Variants in DST observed in about 807,000 individuals in gnomAD.
DST encodes bullous pemphigoid antigen.
A neutral mutation model predicts 875.2 loss-of-function variants in DST; 253 were observed. The observed-to-expected ratio is 0.29, with a 90% CI of 0.26 to 0.32. The LOEUF is 0.32. Ranked by LOEUF, DST falls within the 10% of genes least tolerant of loss-of-function variation. DST has a pLI of 1.00. For missense variants in DST, 8,287 were observed against 9,111.6 expected (o/e 0.91, Z 3.68); for synonymous variants, 3,124 against 3,197.1 (o/e 0.98, Z 0.77).
Position 56,851,524 on chromosome 6 carries a change from A to C in DST, c.498T>G (p.Ser166=), listed in dbSNP as rs936628920. ...CTCCCGGAGCTGGGGATGCGGAGCC[A>C]GATTTCTGGCTGAAATCATCCTCAT... ...FSDEDDFSQK[S]GSASPAPGDT... Residue 166 remains serine, a synonymous_variant, in exon 4 of 104, where the codon TCT becomes TCG. Coordinates refer to ENST00000680361, the MANE Select transcript of DST (RefSeq NM_001374736.1). 2.5e-6 allele frequency: 4 copies of C among 1,613,960 alleles called. No individual in the cohort carries two copies. The African/African-American group carries it at 4.0e-5, about 16-fold the overall frequency.
chr6:56,582,829 A>G (rs182907202), intron 49 of DST, among the ~76,000 whole-genome samples: 71 of 151,988 alleles, frequency 4.7e-4, no homozygotes, highest in African/African-American at 1.7e-3. Flanking sequence ...CCCACCTATG[A>G]GTGAGAACAT....
chr6:56,788,103 T>G, intron 4 of DST, among the ~76,000 whole-genome samples: 1 of 110,830 alleles, frequency 9.0e-6, no homozygotes, highest in South Asian at 3.0e-4. Flanking sequence ...CATTCCAGCC[T>G]GAGTGACAGA....
At chr6:56,871,541 C>A in intron 3 of DST, 1 of 1,241,048 alleles carries the variant, frequency 8.1e-7, no homozygotes, top group Non-Finnish European at 1.2e-6. Context: ...TTGAGCATAT[C>A]CAAATAAACA....
At chr6:56,624,267 C>G in intron 36 of DST, 1 of 605,714 alleles carries the variant, frequency 1.7e-6, no homozygotes, top group Non-Finnish European at 2.9e-6. Flanking sequence ...AAGACATTAA[C>G]CCCACCATAT....
At chr6:56,615,269 T>G in intron 36 of DST, 1 of 1,242,024 alleles carries the variant, frequency 8.1e-7, no homozygotes, top group Non-Finnish European at 1.0e-6. Flanking sequence ...AAAAAAACAT[T>G]TTAGTGTGGC....
chr6:56,557,452 T>C lies in DST; in HGVS notation c.14507A>G (p.Asn4836Ser). ...TACAGTCTGGAACTGGGTTAGATTA[T>C]TGGAGGATTCTTCCAGTTTTTGTTG... ...DRQQKLEESS[N>S]NLTQFQTVEA... Residue 4836 changes from asparagine (N) to serine (S), a missense_variant, in exon 59 of 104, where the codon AAT (asparagine) becomes AGT (serine). By Grantham distance (46) the Asn-to-Ser change is conservative (BLOSUM62 1). Transcript: ENST00000680361. The C allele has an allele frequency of 1.2e-6, 2 of 1,613,738 alleles. No individual in the cohort carries two copies. The highest frequency in any genetic ancestry group is 1.1e-5 in the South Asian group (1 of 91,054).
chr6:56,808,427 A>G (rs984622911), intron 4 of DST, among the ~76,000 whole-genome samples: 7 of 152,256 alleles, frequency 4.6e-5, no homozygotes, highest in African/African-American at 1.7e-4. Context: ...AACCACAGTA[A>G]TAATAAAACT....
chr6:56,598,474 A>G lies in DST; in HGVS notation c.11928+2T>C. On this transcript the variant is annotated splice_donor_variant, in intron 46 of 103. Transcript: ENST00000680361. LOFTEE classifies it high-confidence loss of function. The stretch of plus-strand genomic sequence containing the variant: ...TAGTGCACCACATATTTGAATAAGG[A>G]CCTTTTCAGTTTCTTCCTTGATTGC... The G allele has an allele frequency of 6.5e-7, 1 of 1,543,936 alleles. No homozygotes were observed. The highest frequency in any genetic ancestry group is 8.7e-7 in the Non-Finnish European group (1 of 1,142,934).
intron 4 of DST, among the ~76,000 whole-genome samples, chr6:56,829,971 A>C (rs913282530): frequency 6.6e-6 from 1 of 151,230 alleles, no homozygotes; most frequent in Non-Finnish European, 1.5e-5. Context: ...AATTTCTAAA[A>C]TTCATAGTGA....
At chr6:56,557,600 T>G in intron 58 of DST, 82 bp from the exon 59 acceptor site, 1 of 1,070,654 alleles carries the variant, frequency 9.3e-7, no homozygotes, top group African/African-American at 1.6e-5. Flanking sequence ...ATGGTATGAT[T>G]TAAAATGATA....
chr6:56,561,223 G>A, intron 57 of DST, 85 bp downstream of exon 57: 1 of 1,410,288 alleles, frequency 7.1e-7, no homozygotes, highest in Non-Finnish European at 9.5e-7. Flanking sequence ...AGAAAACAGA[G>A]CAGAGCTTCT....
chr6:56,476,127 G>A (rs1395720643), intron 92 of DST, 22 bp downstream of exon 92: 1 of 1,569,314 alleles, frequency 6.4e-7, no homozygotes, highest in Admixed American at 1.8e-5. Flanking sequence ...GTTAACAGGA[G>A]TTAGGATTAT....
intron 4 of DST, among the ~76,000 whole-genome samples, chr6:56,836,101 T>C (rs144493775): frequency 1.2e-3 from 176 of 152,338 alleles, no homozygotes; most frequent in African/African-American, 3.9e-3. Context: ...ATAAAAGTAA[T>C]ATCTATAAAT....
intron 3 of DST, among the ~76,000 whole-genome samples, chr6:56,864,749 A>C (rs1773108598): frequency 6.6e-6 from 1 of 152,228 alleles, no homozygotes; most frequent in Admixed American, 6.5e-5. Context: ...TTTTATTATA[A>C]AATAAAAAGA....
chr6:56,531,194 T>C (rs1026762243), intron 64 of DST, among the ~76,000 whole-genome samples: 1 of 152,162 alleles, frequency 6.6e-6, no homozygotes, highest in Non-Finnish European at 1.5e-5. Context: ...CTAAAATCAG[T>C]GGAAATAACT....
At position 56,929,065 on chromosome 6, in the gene DST, A is replaced by G. The variant is rs1170871673; in HGVS notation, c.216+24720T>C. On this transcript the variant is annotated intron_variant, in intron 2 of 103. Transcript: ENST00000680361. ...CCAATTCTAATATTCACATAGGAAT[A>G]AAAAGAATACAACTAAAAGAGTATA... Among the ~76,000 whole-genome samples the G allele has an allele frequency of 2.0e-5, 3 of 152,310 alleles. No homozygotes were observed. In the East Asian group the frequency reaches 5.8e-4, roughly 29 times the overall value.
rs749433892 is a variant in DST at position 56,620,406 on chromosome 6, C to T, written c.4929+4124G>A. The T allele has an allele frequency of 7.6e-5, 122 of 1,614,070 alleles. No homozygotes were observed. Among genetic ancestry groups the T allele is most frequent in the Non-Finnish European group, 9.3e-5 (110 of 1,180,038 alleles). ...CTCACCCGCTCCAGTTCTCTTTCAG[C>T]GGCTTCCTTCTCTCTCACAATGGTT... On this transcript the variant is annotated intron_variant, in intron 36 of 103. Coordinates refer to ENST00000680361, the MANE Select transcript of DST (RefSeq NM_001374736.1).
chr6:56,631,946 C>T lies in DST; in HGVS notation c.3900G>A (p.Gln1300=). The T allele has an allele frequency of 6.2e-7, 1 of 1,613,972 alleles. No homozygotes were observed. The highest frequency in any genetic ancestry group is 8.5e-7 in the Non-Finnish European group (1 of 1,179,866). ...CATCTCTTTCCAGGGGAGTTCGAAT[C>T]TGTCTAATCAGCCGATCTTCACAGT... ...LENCEDRLIR[Q]IRTPLERDDL... is the part of the protein sequence containing the mutation. Residue 1300 remains glutamine, a synonymous_variant, in exon 29 of 104, where the codon CAG becomes CAA. Coordinates refer to ENST00000680361, the MANE Select transcript of DST (RefSeq NM_001374736.1).
intron 9 of DST, among the ~76,000 whole-genome samples, chr6:56,690,435 C>T (rs1365028556): frequency 6.6e-6 from 1 of 152,104 alleles, no homozygotes; most frequent in African/African-American, 2.4e-5. Context: ...ACAGAGCCCC[C>T]TGAACCAGGA....
Sources: gnomAD v4.1 joint callset for allele counts (sites outside exome capture counted in the v4.1 genomes callset) on GRCh38, gnomAD v4.1.1 for gene constraint, MANE v1.5 for transcripts, NCBI Gene and HGNC (gene_info 2026-07-23, HGNC 2026-07-21) for gene names.